Variants in AGBL4 observed in about 807,000 individuals in gnomAD.
AGBL4 encodes AGBL carboxypeptidase 4.
A neutral mutation model predicts 66.4 loss-of-function variants in AGBL4; 58 were observed. That is an observed-to-expected ratio of 0.87 (90% confidence interval 0.71 to 1.09). The LOEUF (loss-of-function observed/expected upper bound fraction) is 1.09, where lower values mean the gene tolerates loss of function less well. Among genes scored for constraint, AGBL4 ranks in the 50% least tolerant of loss-of-function variants. The pLI, the probability that AGBL4 is intolerant of heterozygous loss-of-function variation, is 0.00. For missense variants in AGBL4, 579 were observed against 631.0 expected (o/e 0.92, Z 0.88); for synonymous variants, 234 against 222.9 (o/e 1.05, Z -0.44).
intron 3 of AGBL4, among the ~76,000 whole-genome samples, chr1:49,290,069 A>T (rs1644505081): frequency 6.6e-6 from 1 of 152,202 alleles, no homozygotes; most frequent in Admixed American, 6.5e-5. Context: ...TTGCCCAAAA[A>T]TTTTCAAAAT....
chr1:49,082,655 G>A (rs1571402665), intron 4 of AGBL4, among the ~76,000 whole-genome samples: 1 of 152,126 alleles, frequency 6.6e-6, no homozygotes, highest in Admixed American at 6.5e-5. Flanking sequence ...GATTTGGGTG[G>A]GGACAGAGCC....
At chr1:49,297,315 G>A (rs1451042173) in intron 3 of AGBL4, among the ~76,000 whole-genome samples, 1 of 152,238 alleles carries the variant, frequency 6.6e-6, no homozygotes, top group East Asian at 1.9e-4. Flanking sequence ...AGAGCAGGAA[G>A]CTAGGAGTGG....
chr1:48,867,050 G>T, intron 6 of AGBL4, 141 bp downstream of exon 6: 1 of 951,004 alleles, frequency 1.1e-6, no homozygotes. Flanking sequence ...TAGGGGAGGA[G>T]AAGAATCATT....
At chr1:49,683,799 A>G (rs1054440751) in intron 3 of AGBL4, among the ~76,000 whole-genome samples, 4 of 152,232 alleles carry the variant, frequency 2.6e-5, no homozygotes, top group African/African-American at 7.2e-5. Flanking sequence ...AATTAAGTAG[A>G]CAGCAAATGG....
At chr1:49,711,654 TAA>T (rs1467471764) in intron 2 of AGBL4, among the ~76,000 whole-genome samples, 2 of 152,096 alleles carry the variant, frequency 1.3e-5, no homozygotes, top group African/African-American at 4.8e-5. Flanking sequence ...GACAGTTTCC[TAA>T]GTGTATGCAT....
In AGBL4 at chr1:49,948,580, TATAGAG is replaced by T. The variant is rs1269502856; in HGVS notation, c.34+75177_34+75182del. On this transcript the variant is annotated intron_variant, in intron 1 of 13. Coordinates refer to ENST00000371839, the MANE Select transcript of AGBL4 (RefSeq NM_032785.4). ...ATATATAAAAATATATATATATATA[TATAGAG>T]AGAGAGAGAGAGAGAGAGAGATACA... Among the ~76,000 whole-genome samples, 22 of 126,850 alleles carry T rather than the reference TATAGAG, an allele frequency of 1.7e-4. 1 individual carries two copies. Among genetic ancestry groups the T allele is most frequent in the Non-Finnish European group, 2.2e-4 (14 of 62,786 alleles). 83.2% of individuals were successfully genotyped at this position (126,850 alleles called of 152,430 possible).
intron 5 of AGBL4, among the ~76,000 whole-genome samples, chr1:48,992,086 T>C (rs1660645466): frequency 6.6e-6 from 1 of 152,198 alleles, no homozygotes; most frequent in Admixed American, 6.5e-5. Flanking sequence ...ATTAGGGATT[T>C]ATTGTAGTCT....
intron 7 of AGBL4, among the ~76,000 whole-genome samples, chr1:48,654,650 A>C (rs1363067024): frequency 6.6e-6 from 1 of 152,188 alleles, no homozygotes; most frequent in Non-Finnish European, 1.5e-5. Context: ...AGATGGCAGG[A>C]GGAAGGCAGC....
chr1:48,941,536 G>A (rs1322411549), intron 5 of AGBL4, among the ~76,000 whole-genome samples: 1 of 152,196 alleles, frequency 6.6e-6, no homozygotes, highest in Non-Finnish European at 1.5e-5. Context: ...GTAGTGGCCA[G>A]TAGTAACCAC....
At chr1:48,561,722 G>GT in intron 11 of AGBL4, among the ~76,000 whole-genome samples, 2 of 152,260 alleles carry the variant, frequency 1.3e-5, no homozygotes, top group South Asian at 4.2e-4. Context: ...GGACATGGGT[G>GT]TTTTTTGGCT....
At chr1:48,620,867 T>C (rs1645401529) in intron 9 of AGBL4, among the ~76,000 whole-genome samples, 1 of 152,138 alleles carries the variant, frequency 6.6e-6, no homozygotes, top group South Asian at 2.1e-4. Flanking sequence ...AACACTTTTC[T>C]AAGAGATGGT....
intron 9 of AGBL4, among the ~76,000 whole-genome samples, chr1:48,624,325 T>C (rs1645463609): frequency 6.6e-6 from 1 of 152,224 alleles, no homozygotes; most frequent in South Asian, 2.1e-4. Flanking sequence ...GCTGTCTTGC[T>C]GGGAAATGAT....
At chr1:49,674,903 C>G (rs914129425) in intron 3 of AGBL4, among the ~76,000 whole-genome samples, 1 of 152,142 alleles carries the variant, frequency 6.6e-6, no homozygotes, top group Admixed American at 6.6e-5. Context: ...CCACTCAATA[C>G]TGATTTTGTT....
At chr1:49,738,122 G>C (rs1650059098) in intron 2 of AGBL4, among the ~76,000 whole-genome samples, 1 of 152,250 alleles carries the variant, frequency 6.6e-6, no homozygotes, top group Non-Finnish European at 1.5e-5. Flanking sequence ...CCCTCACCCG[G>C]GAAGAGAAAG....
chr1:49,221,956 G>A (rs1216220043), intron 4 of AGBL4, among the ~76,000 whole-genome samples: 2 of 152,114 alleles, frequency 1.3e-5, no homozygotes, highest in Non-Finnish European at 2.9e-5. Flanking sequence ...TTACCATTCA[G>A]CTCTGGTTCA....
At chr1:49,962,340 C>T (rs1571967823) in intron 1 of AGBL4, among the ~76,000 whole-genome samples, 1 of 152,018 alleles carries the variant, frequency 6.6e-6, no homozygotes, top group East Asian at 1.9e-4. Context: ...TTCCATTTAC[C>T]GTGGTAGTTT....
At chr1:48,762,225 C>A (rs1238032859) in intron 6 of AGBL4, among the ~76,000 whole-genome samples, 2 of 152,182 alleles carry the variant, frequency 1.3e-5, no homozygotes, top group Non-Finnish European at 2.9e-5. Context: ...GTGCTCACGA[C>A]ACATACTGAA....
At chr1:49,656,931 C>A (rs1238474265) in intron 3 of AGBL4, among the ~76,000 whole-genome samples, 1 of 152,208 alleles carries the variant, frequency 6.6e-6, no homozygotes, top group Non-Finnish European at 1.5e-5. Context: ...GAAGCATTCC[C>A]TTTGAAAACT....
At chr1:49,895,020 G>T (rs548914576) in intron 1 of AGBL4, among the ~76,000 whole-genome samples, 1 of 152,024 alleles carries the variant, frequency 6.6e-6, no homozygotes, top group South Asian at 2.1e-4. Flanking sequence ...CAAGAAAAAA[G>T]AAATAAATAA....
Sources: gnomAD v4.1 joint callset for allele counts (sites outside exome capture counted in the v4.1 genomes callset) on GRCh38, gnomAD v4.1.1 for gene constraint, MANE v1.5 for transcripts, NCBI Gene and HGNC (gene_info 2026-07-23, HGNC 2026-07-21) for gene names.